The following ATP6V1A variants were observed in gnomAD, a reference collection of about 807,000 sequenced individuals.
ATP6V1A encodes the protein ATPase H+ transporting V1 subunit A, also known as V-type proton ATPase catalytic subunit A.
A neutral mutation model predicts 70.1 loss-of-function variants in ATP6V1A; 18 were observed. The observed-to-expected ratio is 0.26, with a 90% CI of 0.18 to 0.38. ATP6V1A has a LOEUF of 0.38. Ranked by LOEUF, ATP6V1A falls within the 10% of genes least tolerant of loss-of-function variation. The probability of loss-of-function intolerance (pLI) is 1.00; values close to 1 mark genes in which losing one functional copy is unlikely to be tolerated. For missense variants in ATP6V1A, 424 were observed against 772.4 expected (o/e 0.55, Z 5.35); for synonymous variants, 232 against 253.8 (o/e 0.91, Z 0.82).
chr3:113,782,887 A>T (rs1160992834), intron 3 of ATP6V1A, among the ~76,000 whole-genome samples: 1 of 151,898 alleles, frequency 6.6e-6, no homozygotes, highest in Admixed American at 6.6e-5. Flanking sequence ...CTCCCAAGAT[A>T]GCATATTTTA....
At chr3:113,785,966 A>G (rs1709035516) in intron 5 of ATP6V1A, among the ~76,000 whole-genome samples, 1 of 148,596 alleles carries the variant, frequency 6.7e-6, no homozygotes, top group South Asian at 2.1e-4. Flanking sequence ...GTTTTCTGAG[A>G]AGCTGGGATT....
intron 1 of ATP6V1A, among the ~76,000 whole-genome samples, chr3:113,765,376 G>T (rs776594387): frequency 2.6e-5 from 4 of 152,180 alleles, no homozygotes; most frequent in South Asian, 4.1e-4. Flanking sequence ...AGGCCGACGC[G>T]GGCAGTTCAC....
At chr3:113,758,357 G>A (rs532962327) in intron 1 of ATP6V1A, among the ~76,000 whole-genome samples, 5 of 152,130 alleles carry the variant, frequency 3.3e-5, no homozygotes, top group African/African-American at 4.8e-5. Flanking sequence ...AGCCAGCACT[G>A]TAATCAATAT....
At chr3:113,787,599 A>G (rs1026529109) in intron 6 of ATP6V1A, among the ~76,000 whole-genome samples, 2 of 152,176 alleles carry the variant, frequency 1.3e-5, no homozygotes, top group African/African-American at 4.8e-5. Flanking sequence ...TTATTATGTC[A>G]CTCAATAAAC....
At chr3:113,807,957 C>T (rs944765287) in intron 14 of ATP6V1A, among the ~76,000 whole-genome samples, 2 of 151,844 alleles carry the variant, frequency 1.3e-5, no homozygotes, top group African/African-American at 4.8e-5. Context: ...ATGGAGAAAC[C>T]CCGTCTCTAC....
At chr3:113,767,138 CTA>C (rs1359029601) in intron 1 of ATP6V1A, among the ~76,000 whole-genome samples, 1 of 137,798 alleles carries the variant, frequency 7.3e-6, no homozygotes, top group Non-Finnish European at 1.5e-5. Flanking sequence ...GGCGCCCAGA[CTA>C]GAGTGCAGTG....
chr3:113,762,686 C>G (rs1708719411), intron 1 of ATP6V1A, among the ~76,000 whole-genome samples: 1 of 152,100 alleles, frequency 6.6e-6, no homozygotes, highest in African/African-American at 2.4e-5. Context: ...AGAGAGTTTG[C>G]TGATGACAGT....
intron 13 of ATP6V1A, among the ~76,000 whole-genome samples, chr3:113,804,256 G>A (rs960545111): frequency 6.6e-6 from 1 of 151,714 alleles, no homozygotes; most frequent in Non-Finnish European, 1.5e-5. Context: ...GCCTCCCAAA[G>A]TGTTGGGACT....
Position 113,786,350 on chromosome 3 carries a change from T to G in ATP6V1A, c.683T>G (p.Leu228Trp). ...AAGCTGCCAGCCAATCATCCTCTGT[T>G]GACTGGCCAGAGAGTCCTTGATGCC... ...TEKLPANHPLLTGQRVLDALF... is the reference protein window; with the variant it reads ...TEKLPANHPLWTGQRVLDALF... The change falls in exon 6 of 15, where the codon TTG (leucine) becomes TGG (tryptophan). Residue 228 changes from leucine (L) to tryptophan (W), a missense_variant. By Grantham distance (61) the Leu-to-Trp change is moderately conservative. Coordinates refer to ENST00000273398, the MANE Select transcript of ATP6V1A (RefSeq NM_001690.4). The G allele has an allele frequency of 6.2e-7, 1 of 1,613,978 alleles. No homozygotes were observed. Among genetic ancestry groups the G allele is most frequent in the Middle Eastern group, 1.6e-4 (1 of 6,062 alleles).
intron 2 of ATP6V1A, 22 bp from the exon 3 acceptor site, chr3:113,781,028 A>T (rs376068483): frequency 6.3e-7 from 1 of 1,582,748 alleles, no homozygotes; most frequent in Non-Finnish European, 8.6e-7. Flanking sequence ...AAGTCATCAA[A>T]ATAGTCTTTT....
intron 1 of ATP6V1A, among the ~76,000 whole-genome samples, chr3:113,777,189 G>A (rs1487795353): frequency 6.6e-6 from 1 of 152,120 alleles, no homozygotes; most frequent in East Asian, 1.9e-4. Context: ...TGTGAACTTG[G>A]ATAGTTCCTG....
chr3:113,781,044 C>T lies in ATP6V1A; in HGVS notation c.83-6C>T, dbSNP rs773106039. On this transcript the variant is annotated splice_region_variant and splice_polypyrimidine_tract_variant and intron_variant, in intron 2 of 14. Transcript: ENST00000273398. ...AGTCATCAAAATAGTCTTTTGTTCT[C>T]TTCAGTGGTTACAGCCTGTGACATG... 1.0e-5 allele frequency: 16 copies of T among 1,597,878 alleles called. No individual in the cohort carries two copies. Among genetic ancestry groups the T allele is most frequent in the Non-Finnish European group, 1.4e-5 (16 of 1,174,640 alleles).
chr3:113,784,094 T>G (rs891127437), intron 3 of ATP6V1A, 130 bp from the exon 4 acceptor site: 1 of 790,406 alleles, frequency 1.3e-6, no homozygotes, highest in Non-Finnish European at 2.0e-6. Context: ...CTATGAATCC[T>G]GTGAACTGAG....
chr3:113,761,239 G>GA (rs1406971609), intron 1 of ATP6V1A, among the ~76,000 whole-genome samples: 2 of 151,796 alleles, frequency 1.3e-5, no homozygotes, highest in African/African-American at 4.8e-5. Context: ...ACCGTACCTA[G>GA]ACAGCATCAT....
At chr3:113,757,294 A>G (rs1215996505) in intron 1 of ATP6V1A, among the ~76,000 whole-genome samples, 2 of 152,196 alleles carry the variant, frequency 1.3e-5, no homozygotes, top group African/African-American at 4.8e-5. Context: ...CAGCTTGGAA[A>G]GTAGCTGTAA....
chr3:113,785,972 G>A (rs1709035534), intron 5 of ATP6V1A, among the ~76,000 whole-genome samples: 1 of 147,908 alleles, frequency 6.8e-6, no homozygotes, highest in Non-Finnish European at 1.5e-5. Context: ...TGAGAAGCTG[G>A]GATTACAGTC....
At position 113,809,355 on chromosome 3, in the gene ATP6V1A, G is replaced by A; in HGVS notation, c.1782G>A (p.Glu594=). 6.2e-7 allele frequency: 1 copy of A among 1,613,760 alleles called. No homozygotes were observed. The highest frequency in any genetic ancestry group is 8.5e-7 in the Non-Finnish European group (1 of 1,179,782). ...TTCAGGATCCACTGAAAGATGGTGA[G>A]GCAAAGATCAAAAGCGACTATGCAC... ...MKFKDPLKDG[E]AKIKSDYAQL... is the part of the protein sequence containing the mutation. Residue 594 remains glutamate, a synonymous_variant, in exon 15 of 15, where the codon GAG becomes GAA. Transcript: ENST00000273398.
chr3:113,750,774 A>G (rs1177937779), intron 1 of ATP6V1A, among the ~76,000 whole-genome samples: 1 of 152,224 alleles, frequency 6.6e-6, no homozygotes, highest in Non-Finnish European at 1.5e-5. Flanking sequence ...TTGATTTTAT[A>G]TACTGAATTT....
At chr3:113,770,187 T>C (rs1207085413) in intron 1 of ATP6V1A, among the ~76,000 whole-genome samples, 1 of 152,086 alleles carries the variant, frequency 6.6e-6, no homozygotes, top group East Asian at 1.9e-4. Context: ...TAGCTGGGAC[T>C]ACAGTTTTGC....
Sources: allele counts gnomAD v4.1 joint callset (sites outside exome capture counted in the v4.1 genomes callset), GRCh38; gene constraint gnomAD v4.1.1; transcripts MANE v1.5; gene names NCBI Gene and HGNC (gene_info 2026-07-23, HGNC 2026-07-21).